HEXA: variants seen among roughly 807,000 people sequenced by gnomAD.
The protein encoded by HEXA is beta-hexosaminidase subunit alpha.
HEXA carries 54 observed loss-of-function variants against 73.3 expected under a neutral mutation model. The observed-to-expected ratio is 0.74, with a 90% CI of 0.59 to 0.92. HEXA has a LOEUF of 0.92. HEXA is among the 40% of genes least tolerant of loss of function. The pLI, the probability that HEXA is intolerant of heterozygous loss-of-function variation, is 0.00. For synonymous variants in HEXA, 230 were observed against 246.9 expected (o/e 0.93, Z 0.64); for missense variants, 649 against 653.0 (o/e 0.99, Z 0.07).
chr15:72,375,813 C>T lies in HEXA; in HGVS notation c.160G>A (p.Ala54Thr), dbSNP rs751522577. The change falls in exon 1 of 14, where the codon GCG (alanine) becomes ACG (threonine). Residue 54 changes from alanine (A) to threonine (T), a missense_variant. Ala to Thr is a moderately conservative substitution (Grantham distance 58). Transcript: ENST00000268097. The stretch of plus-strand genomic sequence containing the variant: ...TCGAGGACTGAGCAGCCGGGCTGCG[C>T]GGCCGAGCTGACATCGTACTGGAAT... ...FQFQYDVSSAAQPGCSVLDEA... is the reference protein window; with the variant it reads ...FQFQYDVSSATQPGCSVLDEA... The T allele has an allele frequency of 1.9e-6, 3 of 1,614,132 alleles. No homozygotes were observed. The highest frequency in any genetic ancestry group is 2.5e-6 in the Non-Finnish European group (3 of 1,180,050).
Position 72,344,064 on chromosome 15 carries a change from C to A in HEXA, c.*13G>T. On this transcript the variant is annotated 3_prime_UTR_variant, in exon 14 of 14. Transcript: ENST00000268097. ...ATTCACCTACAGCCAGCACCCTCCT[C>A]GGTGCCTGGGGCTCAGGTCTGTTCA... 1 of 1,611,248 alleles carries A rather than the reference C, an allele frequency of 6.2e-7. No homozygotes were observed. Among genetic ancestry groups the A allele is most frequent in the South Asian group, 1.1e-5 (1 of 90,978 alleles).
chr15:72,355,825 T>A lies in HEXA; in HGVS notation c.347-201A>T. On this transcript the variant is annotated intron_variant, in intron 2 of 13. Coordinates refer to ENST00000268097, the MANE Select transcript of HEXA (RefSeq NM_000520.6). ...GTCTGGGGCCAGAGTGGGAGGGTGG[T>A]CACCACAGTGACTCTGTAGACCCTG... 4 of 618,498 alleles carry A rather than the reference T, an allele frequency of 6.5e-6. No individual in the cohort carries two copies. In the Admixed American group the frequency reaches 8.6e-5, roughly 13 times the overall value. 38.3% of individuals were successfully genotyped at this position (618,498 alleles called of 1,614,324 possible). A position where few individuals can be genotyped will look rare whatever the true frequency, so the allele number is the denominator to read the frequency against.
intron 7 of HEXA, chr15:72,350,191 T>G: frequency 2.5e-6 from 1 of 392,518 alleles, no homozygotes; most frequent in East Asian, 6.0e-5. Context: ...GACTCTGACC[T>G]CTGCAGGCTG....
chr15:72,346,818 C>T (rs1221519896), intron 10 of HEXA, 108 bp from the exon 11 acceptor site: 1 of 1,032,768 alleles, frequency 9.7e-7, no homozygotes, highest in South Asian at 1.3e-5. Context: ...CCTCTGTTCC[C>T]CAGCAGCAAA....
chr15:72,352,623 ATCT>A (rs1567299076), intron 5 of HEXA, among the ~76,000 whole-genome samples: 1 of 151,100 alleles, frequency 6.6e-6, no homozygotes, highest in Non-Finnish European at 1.5e-5. Context: ...GGAGCAGCTC[ATCT>A]TCTACATTTT....
At chr15:72,372,687 T>C (rs1424499974) in intron 1 of HEXA, among the ~76,000 whole-genome samples, 3 of 152,208 alleles carry the variant, frequency 2.0e-5, no homozygotes, top group Non-Finnish European at 4.4e-5. Context: ...ACTAAACACC[T>C]TCACAGACCA....
chr15:72,347,705 A>G lies in HEXA; in HGVS notation c.1127T>C (p.Val376Ala), dbSNP rs78532913. 1.2e-6 allele frequency: 2 copies of G among 1,612,296 alleles called. No individual in the cohort carries two copies. The highest frequency in any genetic ancestry group is 1.7e-6 in the Non-Finnish European group (2 of 1,179,492). Residue 376 changes from valine to alanine, a missense_variant, in exon 10 of 14, where the codon GTG (valine) becomes GCG (alanine). Transcript: ENST00000268097. ...YGKGYVVWQE[V>A]FDNKVKIQPD... Reference sequence around the variant, plus strand: ...GCTCACCTTTACTTTATTATCAAACACCTCCTGCCACACCACATAGCCCTT... The same window carrying G: ...GCTCACCTTTACTTTATTATCAAACGCCTCCTGCCACACCACATAGCCCTT...
Position 72,345,455 on chromosome 15 carries a change from T to C in HEXA, c.1517A>G (p.Glu506Gly), listed in dbSNP as rs778293061. The C allele has an allele frequency of 1.9e-6, 3 of 1,614,064 alleles. No homozygotes were observed. In the African/African-American group the frequency reaches 4.0e-5, roughly 22 times the overall value. ...CCCACAGCTTGCTTACCTCAGCAATTCACAGCGGAAGTGTGACAAACGTTC... is the reference window on the plus strand; with the variant it reads ...CCCACAGCTTGCTTACCTCAGCAATCCACAGCGGAAGTGTGACAAACGTTC... ...AYERLSHFRC[E>G]LLRRGVQAQP... Residue 506 changes from glutamate to glycine, a missense_variant, in exon 13 of 14, where the codon GAA (glutamate) becomes GGA (glycine). Glu to Gly is a moderately conservative substitution (Grantham distance 98). Transcript: ENST00000268097.
chr15:72,349,555 C>A (rs2088667728), intron 7 of HEXA, among the ~76,000 whole-genome samples: 1 of 152,238 alleles, frequency 6.6e-6, no homozygotes, highest in Admixed American at 6.5e-5. Flanking sequence ...ACCCTTGCTC[C>A]CAAGGCTGCT....
chr15:72,343,954 A>C lies in HEXA; in HGVS notation c.*123T>G. 2.5e-6 allele frequency: 2 copies of C among 789,734 alleles called. No individual in the cohort carries two copies. Among genetic ancestry groups the C allele is most frequent in the South Asian group, 2.8e-5 (2 of 71,926 alleles). The allele number at this position is 789,734 out of a possible 1,614,324, so 48.9% of individuals were successfully genotyped here. A position where few individuals can be genotyped will look rare whatever the true frequency, so the allele number is the denominator to read the frequency against. The stretch of plus-strand genomic sequence containing the variant: ...GCCAGCACCGGCCCCTTTCTCTCCA[A>C]GCACAGGGGCACGCAGGCAAGGGGC... On this transcript the variant is annotated 3_prime_UTR_variant, in exon 14 of 14. Coordinates refer to ENST00000268097, the MANE Select transcript of HEXA (RefSeq NM_000520.6).
intron 2 of HEXA, 102 bp from the exon 3 acceptor site, chr15:72,355,726 AGT>A: frequency 1.2e-6 from 1 of 804,172 alleles, no homozygotes; most frequent in Non-Finnish European, 2.2e-6. Flanking sequence ...AAAAAAAAAC[AGT>A]AAGACCATAT....
intron 1 of HEXA, chr15:72,358,512 C>A (rs1167331267): frequency 1.3e-5 from 2 of 152,188 alleles, no homozygotes; most frequent in African/African-American, 4.8e-5. Context: ...ACTGTACTCC[C>A]TAAATCTGTA....
chr15:72,374,879 A>G (rs1187145221), intron 1 of HEXA, among the ~76,000 whole-genome samples: 2 of 151,682 alleles, frequency 1.3e-5, no homozygotes, highest in Non-Finnish European at 1.5e-5. Context: ...GCCCCCACTC[A>G]TCACATCCAC....
chr15:72,352,926 A>T, intron 5 of HEXA, 142 bp downstream of exon 5: 21 of 668,892 alleles, frequency 3.1e-5, no homozygotes, highest in Middle Eastern at 2.9e-4. Context: ...GGCCTCCCAA[A>T]GTGTTGGGAT....
At chr15:72,345,418 C>A in intron 13 of HEXA, 28 bp downstream of exon 13, 1 of 1,613,876 alleles carries the variant, frequency 6.2e-7, no homozygotes, top group African/African-American at 1.3e-5. Flanking sequence ...GCCTGCTCCG[C>A]CTTGCGAAGG....
At chr15:72,362,434 C>T in intron 1 of HEXA, 1 of 455,872 alleles carries the variant, frequency 2.2e-6, no homozygotes, top group Non-Finnish European at 4.4e-6. Flanking sequence ...ATTCCCAGTG[C>T]CTGACACACA....
rs142801993 is a variant in HEXA at position 72,362,268 on chromosome 15, C to T, written c.254-5651G>A. On this transcript the variant is annotated intron_variant, in intron 1 of 13. Coordinates refer to ENST00000268097, the MANE Select transcript of HEXA (RefSeq NM_000520.6). Reference sequence around the variant, plus strand: ...CTTTTAGGAAACTTTTCTGTTATTCCCCCCCTCTTTCCTAAGAAACCCTCC... The same window carrying T: ...CTTTTAGGAAACTTTTCTGTTATTCTCCCCCTCTTTCCTAAGAAACCCTCC... 589 of 200,048 alleles carry T rather than the reference C, an allele frequency of 2.9e-3. 1 individual carries two copies. Among genetic ancestry groups the T allele is most frequent in the Non-Finnish European group, 4.6e-3 (434 of 94,584 alleles). 12.4% of individuals were successfully genotyped at this position (200,048 alleles called of 1,614,324 possible).
intron 1 of HEXA, among the ~76,000 whole-genome samples, chr15:72,368,270 C>T (rs1442444427): frequency 6.6e-6 from 1 of 152,156 alleles, no homozygotes; most frequent in East Asian, 1.9e-4. Context: ...CTTAATCCTG[C>T]CAGAGGCCAG....
chr15:72,371,591 G>GAAAA (rs11299619), intron 1 of HEXA, among the ~76,000 whole-genome samples: 9 of 121,978 alleles, frequency 7.4e-5, no homozygotes, highest in African/African-American at 1.9e-4. Context: ...GTCTCTAAAA[G>GAAAA]AAAAAAAAAA....
Sources: allele counts gnomAD v4.1 joint callset (sites outside exome capture counted in the v4.1 genomes callset), GRCh38; gene constraint gnomAD v4.1.1; transcripts MANE v1.5; gene names NCBI Gene and HGNC (gene_info 2026-07-23, HGNC 2026-07-21).